Variants in OTOGL observed in about 807,000 individuals in gnomAD.
OTOGL encodes otogelin like.
Under a neutral mutation model 318.5 loss-of-function variants are expected in OTOGL, and 285 were observed. The ratio of observed to expected loss-of-function variants is 0.89; its 90% confidence interval spans 0.81 to 0.99. OTOGL has a LOEUF of 0.99. Among genes scored for constraint, OTOGL ranks in the 50% least tolerant of loss-of-function variants. The pLI, the probability that OTOGL is intolerant of heterozygous loss-of-function variation, is 0.00. For synonymous variants in OTOGL, 987 were observed against 936.5 expected (o/e 1.05, Z -0.99); for missense variants, 2,899 against 2,845.6 (o/e 1.02, Z -0.43).
intron 18 of OTOGL, among the ~76,000 whole-genome samples, chr12:80,260,894 A>G (rs912880131): frequency 7.2e-5 from 11 of 152,144 alleles, no homozygotes; most frequent in Non-Finnish European, 4.4e-5. Flanking sequence ...GAAATGAAGT[A>G]GCACAAACCA....
At position 80,256,363 on chromosome 12, in the gene OTOGL, T is replaced by G; in HGVS notation, c.1614T>G (p.Ser538=). The G allele has an allele frequency of 6.3e-7, 1 of 1,596,134 alleles. No homozygotes were observed. Among genetic ancestry groups the G allele is most frequent in the South Asian group, 1.1e-5 (1 of 90,764 alleles). Residue 538 remains serine, a synonymous_variant, in exon 17 of 59, where the codon TCT becomes TCG. Coordinates refer to ENST00000547103, the MANE Select transcript of OTOGL (RefSeq NM_001378609.3). ...EQNLGLVCLQ[S]ITLILEDDFN... is the part of the protein sequence containing the mutation. ...ATCTTGGCTTGGTCTGCCTTCAGTC[T>G]ATAACTCTGATTCTGGAGGATGATT...
intron 57 of OTOGL, among the ~76,000 whole-genome samples, chr12:80,375,318 A>G (rs1891119051): frequency 2.0e-5 from 3 of 152,200 alleles, no homozygotes; most frequent in South Asian, 4.1e-4. Context: ...GGTTTCATTT[A>G]CTGAATGAAT....
chr12:80,342,136 A>C lies in OTOGL; in HGVS notation c.5239A>C (p.Arg1747=). 6.3e-7 allele frequency: 1 copy of C among 1,586,346 alleles called. No individual in the cohort carries two copies. Among genetic ancestry groups the C allele is most frequent in the East Asian group, 2.3e-5 (1 of 44,094 alleles). The change falls in exon 44 of 59, where the codon AGA becomes CGA. Residue 1747 remains arginine (R), a synonymous_variant. Transcript: ENST00000547103. The part of the protein sequence containing the change: ...CSQCIDLLNR[R]IFIPCHDKVS... ...CCAGTGCATTGATTTATTAAATAGA[A>C]GAATTTTCATTCCATGTCATGATAA... is the stretch of plus-strand genomic sequence containing the variant.
intron 1 of OTOGL, among the ~76,000 whole-genome samples, chr12:80,153,126 G>A (rs1270755331): frequency 6.6e-6 from 1 of 152,120 alleles, no homozygotes; most frequent in Non-Finnish European, 1.5e-5. Flanking sequence ...GACTGCTGTA[G>A]CAAAGTCCTA....
In OTOGL at chr12:80,150,006, C is replaced by T. The variant is rs554856653; in HGVS notation, c.-20+50401C>T. ...ACCTCAGATGGAAATGCAGAAATCA[C>T]CCATCTTCTGCGTCGCTCACGCTGG... On this transcript the variant is annotated intron_variant, in intron 1 of 58. Coordinates refer to ENST00000547103, the MANE Select transcript of OTOGL (RefSeq NM_001378609.3). 4.2e-3 allele frequency among the ~76,000 whole-genome samples: 636 copies of T among 152,308 alleles called. 6 individuals are homozygous for T. Among genetic ancestry groups the T allele is most frequent in the Non-Finnish European group, 6.1e-3 (412 of 68,044 alleles).
chr12:80,168,393 A>G (rs926722465), intron 1 of OTOGL, among the ~76,000 whole-genome samples: 2 of 152,190 alleles, frequency 1.3e-5, no homozygotes, highest in African/African-American at 2.4e-5. Context: ...TTGTCCACGT[A>G]TAGTTCAACC....
At chr12:80,268,041 G>A (rs1436249236) in intron 22 of OTOGL, among the ~76,000 whole-genome samples, 4 of 151,770 alleles carry the variant, frequency 2.6e-5, no homozygotes, top group Non-Finnish European at 5.9e-5. Context: ...TCCTCCCCAG[G>A]CCCATCAATA....
chr12:80,155,012 T>G (rs774745195), intron 1 of OTOGL, among the ~76,000 whole-genome samples: 9 of 152,238 alleles, frequency 5.9e-5, no homozygotes, highest in Non-Finnish European at 1.2e-4. Context: ...TTGTTTTAAT[T>G]GGCATTTTCC....
intron 46 of OTOGL, among the ~76,000 whole-genome samples, chr12:80,355,413 A>C (rs1195598620): frequency 1.3e-5 from 2 of 151,560 alleles, no homozygotes; most frequent in Non-Finnish European, 2.9e-5. Flanking sequence ...TGGTAGAGAC[A>C]AGGTCTTACT....
At chr12:80,128,641 G>C (rs567178300) in intron 1 of OTOGL, among the ~76,000 whole-genome samples, 1 of 152,192 alleles carries the variant, frequency 6.6e-6, no homozygotes, top group Non-Finnish European at 1.5e-5. Flanking sequence ...CACAGAGGTG[G>C]AGTCTACAGA....
chr12:80,289,944 GA>G (rs528246567), intron 26 of OTOGL, among the ~76,000 whole-genome samples: 79 of 149,364 alleles, frequency 5.3e-4, no homozygotes, highest in African/African-American at 1.2e-3. Flanking sequence ...TCTGGGGTAT[GA>G]AAAAAAAAAC....
chr12:80,285,988 G>C (rs995065326), intron 26 of OTOGL, among the ~76,000 whole-genome samples: 1 of 152,148 alleles, frequency 6.6e-6, no homozygotes, highest in Non-Finnish European at 1.5e-5. Flanking sequence ...TGCCCATTCA[G>C]TATGATATTG....
At chr12:80,176,819 A>T (rs986196143) in intron 1 of OTOGL, among the ~76,000 whole-genome samples, 7 of 152,052 alleles carry the variant, frequency 4.6e-5, no homozygotes, top group African/African-American at 1.7e-4. Flanking sequence ...AAAATTGTCA[A>T]ACTCTTTTCC....
At chr12:80,250,248 G>A (rs1299538716) in intron 11 of OTOGL, among the ~76,000 whole-genome samples, 1 of 152,024 alleles carries the variant, frequency 6.6e-6, no homozygotes, top group African/African-American at 2.4e-5. Flanking sequence ...ATTCAAAATG[G>A]AAAAAATAAA....
chr12:80,257,883 T>C lies in OTOGL; in HGVS notation c.1770T>C (p.Gly590=), dbSNP rs768324517. The C allele has an allele frequency of 1.3e-6, 2 of 1,594,760 alleles. No individual in the cohort carries two copies. The highest frequency in any genetic ancestry group is 3.4e-5 in the Admixed American group (2 of 59,196). ...TTATACTTCTAAAAACCACATTTGG[T>C]TTAAAGATTCTGTTTGCTATAGATG... ...SLFILLKTTF[G]LKILFAIDGE... The change falls in exon 18 of 59, where the codon GGT becomes GGC. Residue 590 remains glycine (G), a synonymous_variant. Transcript: ENST00000547103.
intron 1 of OTOGL, among the ~76,000 whole-genome samples, chr12:80,129,604 A>G (rs188851517): frequency 2.2e-4 from 33 of 152,018 alleles, no homozygotes; most frequent in African/African-American, 7.7e-4. Context: ...TTGAATCACT[A>G]TCTCATTTTT....
Position 80,141,775 on chromosome 12 carries a change from T to C in OTOGL, c.-20+42170T>C, listed in dbSNP as rs528109978. The stretch of plus-strand genomic sequence containing the variant: ...AAAGTCAAGAATTTCAAGTTGCTTA[T>C]ATTTTACAGGGAGTCTGCAAAGTTC... On this transcript the variant is annotated intron_variant, in intron 1 of 58. Coordinates refer to ENST00000547103, the MANE Select transcript of OTOGL (RefSeq NM_001378609.3). 2.6e-5 allele frequency among the ~76,000 whole-genome samples: 4 copies of C among 152,338 alleles called. No individual in the cohort carries two copies. The South Asian group carries it at 8.3e-4, about 32-fold the overall frequency.
chr12:80,366,331 T>C (rs1368353172), intron 52 of OTOGL: 2 of 457,264 alleles, frequency 4.4e-6, no homozygotes, highest in Admixed American at 4.7e-5. Flanking sequence ...TCAAGAACAT[T>C]TCCATGAAGC....
chr12:80,138,249 A>T (rs1032944374), intron 1 of OTOGL, among the ~76,000 whole-genome samples: 1 of 152,140 alleles, frequency 6.6e-6, no homozygotes, highest in Non-Finnish European at 1.5e-5. Context: ...AAGTATAATT[A>T]TACTTGGTAA....
Sources: gnomAD v4.1 joint callset for allele counts (sites outside exome capture counted in the v4.1 genomes callset) on GRCh38, gnomAD v4.1.1 for gene constraint, MANE v1.5 for transcripts, NCBI Gene and HGNC (gene_info 2026-07-23, HGNC 2026-07-21) for gene names.